GULP1: variants seen among roughly 807,000 people sequenced by gnomAD.
GULP1 encodes PTB domain-containing engulfment adapter protein 1.
GULP1 carries 19 observed loss-of-function variants against 40.9 expected under a neutral mutation model. That is an observed-to-expected ratio of 0.46 (90% CI 0.32 to 0.68). The LOEUF is 0.68. Ranked by LOEUF, GULP1 falls within the 30% of genes least tolerant of loss-of-function variation. GULP1 has a pLI of 0.03. For synonymous variants in GULP1, 119 were observed against 117.6 expected (o/e 1.01, Z -0.08); for missense variants, 312 against 362.2 (o/e 0.86, Z 1.12).
intron 2 of GULP1, among the ~76,000 whole-genome samples, chr2:188,459,986 T>C (rs2059573825): frequency 6.6e-6 from 1 of 152,176 alleles, no homozygotes; most frequent in Admixed American, 6.6e-5. Context: ...TTCTCTATTG[T>C]GTTTCATTGG....
chr2:188,565,808 C>A (rs945282926), intron 7 of GULP1, among the ~76,000 whole-genome samples: 3 of 152,042 alleles, frequency 2.0e-5, no homozygotes, highest in Non-Finnish European at 4.4e-5. Context: ...GGATAAATCA[C>A]TTGTGGTATA....
intron 4 of GULP1, among the ~76,000 whole-genome samples, chr2:188,515,548 A>G (rs894520534): frequency 2.6e-5 from 4 of 152,102 alleles, no homozygotes; most frequent in African/African-American, 7.2e-5. Context: ...TCTTCCTTAC[A>G]TCTTATTAAT....
chr2:188,592,257 T>C (rs996961470), intron 11 of GULP1: 2 of 151,984 alleles, frequency 1.3e-5, no homozygotes, highest in African/African-American at 4.8e-5. Flanking sequence ...GTATCAAACA[T>C]TTCCACATGT....
chr2:188,487,085 C>G (rs2061927178), intron 4 of GULP1, among the ~76,000 whole-genome samples: 1 of 151,894 alleles, frequency 6.6e-6, no homozygotes, highest in Non-Finnish European at 1.5e-5. Context: ...TTAAAAAATT[C>G]TGTTCCCTTC....
intron 2 of GULP1, among the ~76,000 whole-genome samples, chr2:188,449,545 G>A (rs1036319818): frequency 5.9e-5 from 9 of 152,186 alleles, no homozygotes; most frequent in African/African-American, 2.2e-4. Flanking sequence ...ACAGTATCAG[G>A]ATACAGATGG....
intron 4 of GULP1, among the ~76,000 whole-genome samples, chr2:188,515,965 A>T (rs1018297575): frequency 1.3e-5 from 2 of 152,208 alleles, no homozygotes; most frequent in Admixed American, 1.3e-4. Context: ...TGAAAAAATT[A>T]AAAAACAAAA....
At chr2:188,383,975 G>A (rs1057010257) in intron 2 of GULP1, 86 bp downstream of exon 2, 1 of 152,138 alleles carries the variant, frequency 6.6e-6, no homozygotes, top group Admixed American at 6.5e-5. Flanking sequence ...TGTGTTGAAT[G>A]TTTAAAAATA....
Position 188,537,614 on chromosome 2 carries a change from A to G in GULP1, c.262-3567A>G, listed in dbSNP as rs151069123. 1.4e-4 allele frequency among the ~76,000 whole-genome samples: 22 copies of G among 152,158 alleles called. No homozygotes were observed. In the East Asian group the frequency reaches 3.9e-3, roughly 27 times the overall value. On this transcript the variant is annotated intron_variant, in intron 6 of 11. Coordinates refer to ENST00000409830, the MANE Select transcript of GULP1 (RefSeq NM_016315.4). ...TATTCTGTTGAGAATTTTTGCATCT[A>G]TGTACATCTGGAATATTGGCCTATA...
chr2:188,571,239 G>A (rs2153434665), intron 9 of GULP1, among the ~76,000 whole-genome samples: 1 of 152,230 alleles, frequency 6.6e-6, no homozygotes, highest in Admixed American at 6.6e-5. Context: ...GAAGCTTATT[G>A]TGCTTCAATA....
chr2:188,466,552 A>G (rs906378827), intron 2 of GULP1: 12 of 151,714 alleles, frequency 7.9e-5, no homozygotes, highest in Admixed American at 7.9e-4. Flanking sequence ...CGGCCTCCCA[A>G]AGTGCTGAGA....
chr2:188,338,169 G>C (rs1431224966), intron 1 of GULP1, among the ~76,000 whole-genome samples: 1 of 151,818 alleles, frequency 6.6e-6, no homozygotes, highest in Non-Finnish European at 1.5e-5. Flanking sequence ...ATATATCATT[G>C]ATATATCATT....
intron 2 of GULP1, among the ~76,000 whole-genome samples, chr2:188,391,854 C>G (rs551162952): frequency 6.6e-6 from 1 of 151,970 alleles, no homozygotes; most frequent in South Asian, 2.1e-4. Context: ...TTTTCTGTAT[C>G]TATTGAGATG....
At chr2:188,396,981 G>C (rs2051369344) in intron 2 of GULP1, among the ~76,000 whole-genome samples, 1 of 152,188 alleles carries the variant, frequency 6.6e-6, no homozygotes, top group African/African-American at 2.4e-5. Context: ...TGGATTGCCA[G>C]GTTCTGCAGT....
chr2:188,468,578 C>T (rs1223891821), intron 2 of GULP1, among the ~76,000 whole-genome samples: 1 of 152,098 alleles, frequency 6.6e-6, no homozygotes, highest in Admixed American at 6.5e-5. Context: ...GTTTCTAGGA[C>T]ATCTTTTGCA....
intron 4 of GULP1, among the ~76,000 whole-genome samples, chr2:188,500,548 C>T (rs2063338335): frequency 6.6e-6 from 1 of 151,770 alleles, no homozygotes; most frequent in African/African-American, 2.4e-5. Flanking sequence ...CTGGTGACAC[C>T]TAGATAAATA....
intron 4 of GULP1, chr2:188,491,389 A>C (rs1055678476): frequency 6.6e-6 from 1 of 152,120 alleles, no homozygotes; most frequent in Non-Finnish European, 1.5e-5. Flanking sequence ...GAAAATTAGC[A>C]AACAGGTGAG....
chr2:188,312,927 G>A (rs191971160), intron 1 of GULP1, among the ~76,000 whole-genome samples: 68 of 152,170 alleles, frequency 4.5e-4, no homozygotes, highest in African/African-American at 1.4e-3. Flanking sequence ...CTTTTGAGAA[G>A]TGTCTGTTCA....
At chr2:188,565,006 T>A (rs1576142123) in intron 7 of GULP1, among the ~76,000 whole-genome samples, 2 of 151,844 alleles carry the variant, frequency 1.3e-5, no homozygotes, top group African/African-American at 2.4e-5. Flanking sequence ...TGGGAAAAAA[T>A]TATGAAAATT....
intron 4 of GULP1, among the ~76,000 whole-genome samples, chr2:188,494,437 A>G (rs2062705065): frequency 6.6e-6 from 1 of 152,012 alleles, no homozygotes; most frequent in South Asian, 2.1e-4. Context: ...ATAGTAATAT[A>G]TATATTCAAA....
Sources: allele counts gnomAD v4.1 joint callset (sites outside exome capture counted in the v4.1 genomes callset), GRCh38; gene constraint gnomAD v4.1.1; transcripts MANE v1.5; gene names NCBI Gene and HGNC (gene_info 2026-07-23, HGNC 2026-07-21).